Variants in ZNF318 observed in about 807,000 individuals in gnomAD.
The protein encoded by ZNF318 is endocrine regulator.
In ZNF318, 51 loss-of-function variants were observed where a neutral mutation model predicts 124.2. The observed-to-expected ratio is 0.41, with a 90% CI of 0.33 to 0.52. The LOEUF (loss-of-function observed/expected upper bound fraction) is 0.52, where lower values mean the gene tolerates loss of function less well. ZNF318 is among the 20% of genes least tolerant of loss of function. The pLI is 0.23. For missense variants in ZNF318, 2,815 were observed against 2,811.2 expected (o/e 1.00, Z -0.03); for synonymous variants, 1,090 against 1,040.7 (o/e 1.05, Z -0.91).
In ZNF318 at chr6:43,340,287, G is replaced by C. The variant is rs1779355047; in HGVS notation, c.3711C>G (p.Leu1237=). Residue 1237 remains leucine, a synonymous_variant, in exon 10 of 10, where the codon CTC becomes CTG. Coordinates refer to ENST00000361428, the MANE Select transcript of ZNF318 (RefSeq NM_014345.3). ...TTTCAGGGGAGTTCCTACCCTCAGA[G>C]AGTTGGTCTTCTAATTTCTCAGAGA... ...DKVSEKLEDQ[L]SEGRNSPEKA... 1 of 1,613,836 alleles carries C rather than the reference G, an allele frequency of 6.2e-7. No individual in the cohort carries two copies.
chr6:43,353,745 T>C (rs1351604119), intron 4 of ZNF318, among the ~76,000 whole-genome samples: 1 of 152,248 alleles, frequency 6.6e-6, no homozygotes, highest in Non-Finnish European at 1.5e-5. Flanking sequence ...AGTGAGTTGC[T>C]AGGTATAAGC....
rs1272695416 is a variant in ZNF318, at chr6:43,337,870, A to G, written c.6128T>C (p.Val2043Ala). The G allele has an allele frequency of 2.5e-6, 4 of 1,614,064 alleles. No individual in the cohort carries two copies. The highest frequency in any genetic ancestry group is 1.3e-5 in the African/African-American group (1 of 74,924). Residue 2043 changes from valine (V) to alanine (A), a missense_variant, in exon 10 of 10, where the codon GTG becomes GCG. Around this residue, in one of 4 missense-constraint regions of ZNF318, gnomAD observed 927 missense variants for 820.6 expected, o/e 1.13. Transcript: ENST00000361428. ...AGGTGATACAGAATTTTCTTCACAC[A>G]CTTTCTGACACAAGACAGTTGGGGA... ...HRSPTVLCQKVCEENSVSPIG... is the reference protein window; with the variant it reads ...HRSPTVLCQKACEENSVSPIG...
Position 43,369,471 on chromosome 6 carries a change from C to T in ZNF318, c.-106G>A, listed in dbSNP as rs1030325685. Reference sequence around the variant, plus strand: ...GCAGCCGCCGCCACCTCGGCCGCTGCGCGCCGCCTCAGCCGCGGGAGCAGC... The same window carrying T: ...GCAGCCGCCGCCACCTCGGCCGCTGTGCGCCGCCTCAGCCGCGGGAGCAGC... On this transcript the variant is annotated 5_prime_UTR_variant, in exon 1 of 10. Transcript: ENST00000361428. The T allele has an allele frequency of 4.2e-6, 4 of 951,680 alleles. No homozygotes were observed. Among genetic ancestry groups the T allele is most frequent in the Non-Finnish European group, 3.9e-6 (3 of 769,508 alleles). 59.0% of individuals were successfully genotyped at this position (951,680 alleles called of 1,614,324 possible).
At position 43,337,493 on chromosome 6, in the gene ZNF318, G is replaced by C. The variant is rs1779299385; in HGVS notation, c.6505C>G (p.Leu2169Val). The change falls in exon 10 of 10, where the codon CTT (leucine) becomes GTT (valine). Residue 2169 changes from leucine to valine, a missense_variant. Coordinates refer to ENST00000361428, the MANE Select transcript of ZNF318 (RefSeq NM_014345.3). ...NSAGLGPSPCLPDLVDFVTRT... is the reference protein window; with the variant it reads ...NSAGLGPSPCVPDLVDFVTRT... ...GTGACAAAGTCAACAAGGTCTGGAA[G>C]GCAAGGAGATGGCCCAAGGCCTGCA... is the stretch of plus-strand genomic sequence containing the variant. 1 of 1,614,076 alleles carries C rather than the reference G, an allele frequency of 6.2e-7. No homozygotes were observed. The highest frequency in any genetic ancestry group is 8.5e-7 in the Non-Finnish European group (1 of 1,180,036).
chr6:43,355,153 C>A lies in ZNF318; in HGVS notation c.2181G>T (p.Val727=), dbSNP rs200799171. ...HPVGHISGPE[V]VGSGFQSSVA... is the part of the protein sequence containing the mutation. ...CAGATGACTGAAACCCACTACCAAC[C>A]ACCTCTGGTCCTGAAATATGACCCA... The change falls in exon 4 of 10, where the codon GTG becomes GTT. Residue 727 remains valine, a synonymous_variant. Coordinates refer to ENST00000361428, the MANE Select transcript of ZNF318 (RefSeq NM_014345.3). The A allele has an allele frequency of 3.1e-6, 5 of 1,614,220 alleles. No individual in the cohort carries two copies. Among genetic ancestry groups the A allele is most frequent in the African/African-American group, 1.3e-5 (1 of 75,056 alleles).
intron 6 of ZNF318, among the ~76,000 whole-genome samples, chr6:43,347,735 T>C (rs759333357): frequency 1.3e-5 from 2 of 152,170 alleles, no homozygotes; most frequent in African/African-American, 2.4e-5. Context: ...CATTTTAGCA[T>C]AGGACTGGAT....
intron 2 of ZNF318, among the ~76,000 whole-genome samples, chr6:43,362,879 T>G (rs1356334959): frequency 2.6e-5 from 4 of 152,222 alleles, no homozygotes; most frequent in Non-Finnish European, 4.4e-5. Context: ...GGAGACAACC[T>G]GAGTATGCCA....
intron 6 of ZNF318, among the ~76,000 whole-genome samples, chr6:43,344,558 A>G (rs115821681): frequency 1.9e-3 from 296 of 152,364 alleles, no homozygotes; most frequent in Non-Finnish European, 3.2e-3. Context: ...AAATCGGCAT[A>G]CAGCGTTGAA....
chr6:43,354,586 A>T, intron 4 of ZNF318, 78 bp downstream of exon 4: 1 of 1,360,334 alleles, frequency 7.4e-7, no homozygotes, highest in Non-Finnish European at 1.0e-6. Context: ...ACAAATTTTC[A>T]GCCCCTTCTA....
At chr6:43,365,960 G>A (rs1367757249) in intron 1 of ZNF318, among the ~76,000 whole-genome samples, 1 of 152,154 alleles carries the variant, frequency 6.6e-6, no homozygotes, top group Admixed American at 6.5e-5. Context: ...TGGGAAAAGA[G>A]AAGTGAATAA....
chr6:43,349,562 T>C (rs183030909), intron 5 of ZNF318, among the ~76,000 whole-genome samples: 215 of 152,176 alleles, frequency 1.4e-3, no homozygotes, highest in Non-Finnish European at 2.5e-3. Flanking sequence ...AAACTGCAGA[T>C]CCTCTGGTGT....
chr6:43,363,900 T>C, intron 2 of ZNF318: 2 of 689,718 alleles, frequency 2.9e-6, no homozygotes, highest in Non-Finnish European at 5.2e-6. Context: ...AGCTCTCCAT[T>C]CTCCCTGTGC....
intron 3 of ZNF318, 37 bp downstream of exon 3, chr6:43,357,089 G>C (rs377244224): frequency 6.4e-7 from 1 of 1,566,896 alleles, no homozygotes; most frequent in Non-Finnish European, 8.6e-7. Flanking sequence ...ATATTAGGGA[G>C]ACTAGCAAGA....
chr6:43,342,637 G>A, intron 7 of ZNF318, 39 bp downstream of exon 7: 3 of 1,597,116 alleles, frequency 1.9e-6, no homozygotes, highest in Non-Finnish European at 2.6e-6. Flanking sequence ...TGAAGAGAGT[G>A]AGGGTGGGAG....
At chr6:43,352,168 T>C (rs1362790839) in intron 5 of ZNF318, among the ~76,000 whole-genome samples, 12 of 56,752 alleles carry the variant, frequency 2.1e-4, no homozygotes, top group African/African-American at 1.4e-3. Context: ...ATCATCATCA[T>C]CATCATCATC....
At chr6:43,352,649 A>G (rs1037447919) in intron 4 of ZNF318, among the ~76,000 whole-genome samples, 173 bp from the exon 5 acceptor site, 1 of 152,150 alleles carries the variant, frequency 6.6e-6, no homozygotes, top group African/African-American at 2.4e-5. Context: ...CCAGAATAGA[A>G]CTGTCCATCT....
Position 43,354,769 on chromosome 6 carries a change from T to C in ZNF318, c.2565A>G (p.Ser855=). 6.2e-7 allele frequency: 1 copy of C among 1,614,192 alleles called. No individual in the cohort carries two copies. The highest frequency in any genetic ancestry group is 8.5e-7 in the Non-Finnish European group (1 of 1,180,034). Residue 855 remains serine, a synonymous_variant, in exon 4 of 10, where the codon TCA becomes TCG. Transcript: ENST00000361428. ...KPKQKESLRG[S]IPAAQVPVQV... ...GGACAGGCACTTGGGCCGCAGGAAT[T>C]GAGCCTCGCAGAGACTCTTTCTGCT...
At chr6:43,368,943 G>A (rs1779796995) in intron 1 of ZNF318, 24 bp downstream of exon 1, 6 of 1,374,462 alleles carry the variant, frequency 4.4e-6, no homozygotes, top group Admixed American at 3.1e-5. Flanking sequence ...GATGGAGGGA[G>A]TCCTGGACGA....
chr6:43,369,331 G>C lies in ZNF318; in HGVS notation c.35C>G (p.Ser12Cys). ...YRSSARSSVS[S>C]HRPKDDGGGG... Reference sequence around the variant, plus strand: ...CCCGCCGTCGTCTTTAGGCCGGTGGGAAGAGACGGAGGAGCGAGCGCTGCT... The same window carrying C: ...CCCGCCGTCGTCTTTAGGCCGGTGGCAAGAGACGGAGGAGCGAGCGCTGCT... Residue 12 changes from serine to cysteine, a missense_variant, in exon 1 of 10, where the codon TCC (serine) becomes TGC (cysteine). Ser to Cys is a moderately radical substitution (Grantham distance 112). Coordinates refer to ENST00000361428, the MANE Select transcript of ZNF318 (RefSeq NM_014345.3). The C allele has an allele frequency of 1.5e-6, 2 of 1,343,644 alleles. No homozygotes were observed. The highest frequency in any genetic ancestry group is 9.6e-7 in the Non-Finnish European group (1 of 1,039,638). 83.2% of individuals were successfully genotyped at this position (1,343,644 alleles called of 1,614,324 possible).
Sources: allele counts gnomAD v4.1 joint callset (sites outside exome capture counted in the v4.1 genomes callset), GRCh38; gene constraint gnomAD v4.1.1; regional missense constraint gnomAD v4.1.1; transcripts MANE v1.5; gene names NCBI Gene and HGNC (gene_info 2026-07-23, HGNC 2026-07-21).